Variants in ATP2C1 observed in about 807,000 individuals in gnomAD.
The protein encoded by ATP2C1 is ATPase secretory pathway Ca2+ transporting 1.
In ATP2C1, 31 loss-of-function variants were observed where a neutral mutation model predicts 120.5. That is an observed-to-expected ratio of 0.26 (90% CI 0.19 to 0.35). The LOEUF (loss-of-function observed/expected upper bound fraction) is 0.35, where lower values mean the gene tolerates loss of function less well. Ranked by LOEUF, ATP2C1 falls within the 10% of genes least tolerant of loss-of-function variation. The probability of loss-of-function intolerance (pLI) is 1.00; values close to 1 mark genes in which losing one functional copy is unlikely to be tolerated. For missense variants in ATP2C1, 731 were observed against 1,107.5 expected, an observed-to-expected ratio of 0.66 and a Z score of 4.83; for synonymous variants, 351 against 358.7, an observed-to-expected ratio of 0.98 and a Z score of 0.24.
chr3:130,966,936 T>C (rs1407225619), intron 14 of ATP2C1, among the ~76,000 whole-genome samples: 3 of 152,240 alleles, frequency 2.0e-5, no homozygotes, highest in Admixed American at 2.0e-4. Flanking sequence ...CTTTTTAGAT[T>C]AATAATTGTG....
At chr3:131,004,918 A>T (rs2063044888), downstream of ATP2C1, among the ~76,000 whole-genome samples, 1 of 152,212 alleles carries the variant, frequency 6.6e-6, no homozygotes, top group African/African-American at 2.4e-5. Context: ...GTCTGATAGC[A>T]TGCCAGGGCA....
intron 11 of ATP2C1, among the ~76,000 whole-genome samples, chr3:130,957,266 T>C (rs1229337415): frequency 6.6e-6 from 1 of 152,238 alleles, no homozygotes; most frequent in Non-Finnish European, 1.5e-5. Context: ...CCCAACCTCA[T>C]GTTTATAAGA....
rs746722600 is a variant in ATP2C1, at chr3:130,894,721, GAC to G, written c.-46_-45del. 17 of 1,614,012 alleles carry G rather than the reference GAC, an allele frequency of 1.1e-5. No individual in the cohort carries two copies. The highest frequency in any genetic ancestry group is 1.3e-5 in the Non-Finnish European group (15 of 1,180,022). On this transcript the variant is annotated 5_prime_UTR_variant, in exon 2 of 28. It removes the in-frame stop codon of an upstream open reading frame in the 5' UTR. Transcript: ENST00000510168. This position sits in a 1 kb window ranked among gnomAD's most constrained non-coding sequence, Gnocchi z 4.5. The stretch of plus-strand genomic sequence containing the variant: ...CTCTATTCCCAGTGTGGCCGTGGCT[GAC>G]ACTAAAGACTTTGTAGCCATCAACC...
At chr3:130,930,724 A>G (rs1297039929) in intron 3 of ATP2C1, among the ~76,000 whole-genome samples, 198 bp downstream of exon 3, 1 of 152,176 alleles carries the variant, frequency 6.6e-6, no homozygotes, top group Non-Finnish European at 1.5e-5. Context: ...ACATGACTAT[A>G]TGACTTGAAA....
At chr3:131,014,159 T>C in intron 26 of ATP2C1, 1 of 1,613,968 alleles carries the variant, frequency 6.2e-7, no homozygotes, top group Non-Finnish European at 8.5e-7. Flanking sequence ...GTGCAGTGGT[T>C]CTCCCTCTGT....
At chr3:131,016,544 T>A in exon 27 of ATP2C1, 2 of 626,978 alleles carry the variant, frequency 3.2e-6, no homozygotes, top group Non-Finnish European at 5.4e-6. Flanking sequence ...CCTAACTTTA[T>A]TCAACCCATC....
At chr3:130,969,769 T>C (rs889425272) in intron 17 of ATP2C1, among the ~76,000 whole-genome samples, 10 of 152,228 alleles carry the variant, frequency 6.6e-5, no homozygotes, top group Non-Finnish European at 1.5e-4. Context: ...ACTGAAGGAA[T>C]GTCTTATCTT....
At chr3:131,013,953 A>G (rs1051304090) in intron 26 of ATP2C1, 10 of 753,200 alleles carry the variant, frequency 1.3e-5, no homozygotes, top group Non-Finnish European at 2.1e-5. Flanking sequence ...TTTATCCCCT[A>G]ACAGGTCAGT....
intron 20 of ATP2C1, among the ~76,000 whole-genome samples, chr3:130,989,345 A>G (rs932515725): frequency 1.3e-5 from 2 of 151,714 alleles, no homozygotes; most frequent in African/African-American, 4.8e-5. Context: ...TGGGCAGATC[A>G]TCTGAGGTTG....
chr3:130,852,988 T>C (rs1272193835), intron 1 of ATP2C1, among the ~76,000 whole-genome samples: 1 of 102,866 alleles, frequency 9.7e-6, no homozygotes, highest in East Asian at 2.3e-4. Context: ...CTTTTCTCCT[T>C]GAGAGATTTC....
At chr3:130,955,357 T>G (rs1256105586) in intron 10 of ATP2C1, among the ~76,000 whole-genome samples, 1 of 152,166 alleles carries the variant, frequency 6.6e-6, no homozygotes, top group East Asian at 1.9e-4. Flanking sequence ...TTTCAGAAAT[T>G]AGTGTTGTGG....
intron 2 of ATP2C1, among the ~76,000 whole-genome samples, chr3:130,903,707 CTTT>C (rs1384348785): frequency 1.4e-3 from 207 of 147,580 alleles, no homozygotes; most frequent in African/African-American, 4.1e-3. Flanking sequence ...TTCCCCTTTC[CTTT>C]CCTTTCCTTT....
In ATP2C1 at chr3:130,940,623, T is replaced by TGCATAG; in HGVS notation, c.361-6_361-5insCATAGG. ...AAATTAAATTCTACTTTTTTTTGTT[T>TGCATAG]GAATAGGAATATCGTTCAGAAAAAT... On this transcript the variant is annotated splice_polypyrimidine_tract_variant and splice_region_variant and intron_variant, in intron 6 of 27. Transcript: ENST00000510168. 1 of 1,596,388 alleles carries TGCATAG rather than the reference T, an allele frequency of 6.3e-7. No individual in the cohort carries two copies. Among genetic ancestry groups the TGCATAG allele is most frequent in the Non-Finnish European group, 8.6e-7 (1 of 1,164,256 alleles).
intron 21 of ATP2C1, 36 bp downstream of exon 21, chr3:130,993,037 A>T (rs1254019957): frequency 4.5e-6 from 7 of 1,562,102 alleles, no homozygotes; most frequent in Non-Finnish European, 6.2e-6. Context: ...TTATTTCTGT[A>T]TACAAAATGC....
intron 17 of ATP2C1, among the ~76,000 whole-genome samples, chr3:130,972,672 T>C (rs576197639): frequency 1.5e-5 from 2 of 134,430 alleles, no homozygotes. Context: ...TGTCCATGTG[T>C]TCTCATTGTT....
chr3:131,009,109 T>G (rs1477759357), intron 26 of ATP2C1, among the ~76,000 whole-genome samples: 1 of 152,212 alleles, frequency 6.6e-6, no homozygotes, highest in Non-Finnish European at 1.5e-5. Flanking sequence ...GAGGTTTCCC[T>G]CCTATTGGTT....
intron 2 of ATP2C1, among the ~76,000 whole-genome samples, chr3:130,909,268 C>T (rs2058281127): frequency 6.6e-6 from 1 of 152,184 alleles, no homozygotes; most frequent in South Asian, 2.1e-4. Flanking sequence ...ACCAATTTCC[C>T]ACCCCATATA....
chr3:130,928,609 CTG>C (rs1182231948), intron 2 of ATP2C1, among the ~76,000 whole-genome samples: 1 of 152,136 alleles, frequency 6.6e-6, no homozygotes, highest in African/African-American at 2.4e-5. Context: ...CTTGTTTAGT[CTG>C]TATTGACCTT....
Position 130,936,496 on chromosome 3 carries a change from A to G in ATP2C1, c.325-932A>G, listed in dbSNP as rs984241787. On this transcript the variant is annotated intron_variant, in intron 5 of 27. Coordinates refer to ENST00000510168, the MANE Select transcript of ATP2C1 (RefSeq NM_001378687.1). ...GTAGTAGCTAAGAAGAATATCCACA[A>G]TCATCTGAAAAAGCTGTTAAAATAC... Among the ~76,000 whole-genome samples the G allele has an allele frequency of 7.9e-5, 12 of 152,282 alleles. 1 individual carries two copies. The Middle Eastern group carries it at 0.017, about 216-fold the overall frequency.
Sources: allele counts gnomAD v4.1 joint callset (sites outside exome capture counted in the v4.1 genomes callset), GRCh38; gene constraint gnomAD v4.1.1; non-coding constraint Gnocchi (gnomAD v3.1); transcripts MANE v1.5; gene names NCBI Gene and HGNC (gene_info 2026-07-23, HGNC 2026-07-21).